Variants in EPHA3 observed in about 807,000 individuals in gnomAD.
The protein encoded by EPHA3 is EPH receptor A3.
A neutral mutation model predicts 107.1 loss-of-function variants in EPHA3; 42 were observed. The ratio of observed to expected loss-of-function variants is 0.39; its 90% CI spans 0.31 to 0.51. EPHA3 has a LOEUF of 0.51. EPHA3 is among the 20% of genes least tolerant of loss of function. EPHA3 has a pLI of 0.78. For missense variants in EPHA3, 1,183 were observed against 1,211.2 expected (o/e 0.98, Z 0.35); for synonymous variants, 461 against 424.8 (o/e 1.09, Z -1.05).
chr3:89,122,752 T>G (rs1707417706), intron 1 of EPHA3, among the ~76,000 whole-genome samples: 1 of 152,226 alleles, frequency 6.6e-6, no homozygotes. Flanking sequence ...AACTTGTACA[T>G]TTTTAATCCG....
chr3:89,292,100 T>A (rs1360373324), intron 3 of EPHA3, among the ~76,000 whole-genome samples: 3 of 152,144 alleles, frequency 2.0e-5, no homozygotes, highest in Non-Finnish European at 4.4e-5. Flanking sequence ...TCCAGAAATC[T>A]CTGTAGTAAA....
intron 13 of EPHA3, among the ~76,000 whole-genome samples, chr3:89,447,778 T>C (rs1405340488): frequency 1.3e-5 from 2 of 152,282 alleles, no homozygotes; most frequent in East Asian, 3.9e-4. Flanking sequence ...ATAAATACTC[T>C]GAACCAGGAC....
chr3:89,472,636 C>A lies in EPHA3; in HGVS notation c.2846+17C>A, dbSNP rs768907312. Reference sequence around the variant, plus strand: ...TTCCACAGAGTAAGAAAAAAAAATTCATTAAGAAGAATGAAGGATTCTTTT... The same window carrying A: ...TTCCACAGAGTAAGAAAAAAAAATTAATTAAGAAGAATGAAGGATTCTTTT... On this transcript the variant is annotated intron_variant, in intron 16 of 16. Transcript: ENST00000336596. 4 of 1,599,724 alleles carry A rather than the reference C, an allele frequency of 2.5e-6. No individual in the cohort carries two copies. The African/African-American group carries it at 5.4e-5, about 22-fold the overall frequency.
chr3:89,332,299 T>G (rs1451228614), intron 3 of EPHA3, among the ~76,000 whole-genome samples: 2 of 152,210 alleles, frequency 1.3e-5, no homozygotes, highest in South Asian at 4.1e-4. Flanking sequence ...ATTGGACATA[T>G]TTTAGTGTTA....
At chr3:89,254,829 C>T (rs973902988) in intron 3 of EPHA3, among the ~76,000 whole-genome samples, 1 of 152,198 alleles carries the variant, frequency 6.6e-6, no homozygotes, top group African/African-American at 2.4e-5. Context: ...CAGTGCCCAT[C>T]AGAACTGGCA....
At chr3:89,221,241 T>C (rs1576242137) in intron 3 of EPHA3, among the ~76,000 whole-genome samples, 1 of 152,200 alleles carries the variant, frequency 6.6e-6, no homozygotes, top group African/African-American at 2.4e-5. Flanking sequence ...CTTTTCATTG[T>C]GTCCTCTCTC....
At chr3:89,136,530 CTT>C (rs1437306113) in intron 2 of EPHA3, among the ~76,000 whole-genome samples, 2 of 151,252 alleles carry the variant, frequency 1.3e-5, no homozygotes, top group Non-Finnish European at 3.0e-5. Context: ...CACTATGTCT[CTT>C]TATGAATTGT....
At chr3:89,368,575 A>G (rs1708227523) in intron 5 of EPHA3, among the ~76,000 whole-genome samples, 1 of 150,504 alleles carries the variant, frequency 6.6e-6, no homozygotes, top group Non-Finnish European at 1.5e-5. Flanking sequence ...AGGGTCTGAT[A>G]TTGTAATTCT....
intron 15 of EPHA3, among the ~76,000 whole-genome samples, chr3:89,451,206 A>G (rs1265410414): frequency 6.6e-6 from 1 of 152,202 alleles, no homozygotes; most frequent in Non-Finnish European, 1.5e-5. Flanking sequence ...CACAAAGTCT[A>G]TTTAATTTTA....
intron 3 of EPHA3, among the ~76,000 whole-genome samples, chr3:89,307,404 T>C (rs1324075840): frequency 6.6e-6 from 1 of 152,118 alleles, no homozygotes; most frequent in Non-Finnish European, 1.5e-5. Flanking sequence ...TCTGAAGAAA[T>C]ACAAAGTTTA....
intron 11 of EPHA3, among the ~76,000 whole-genome samples, chr3:89,422,893 G>C (rs1415487663): frequency 6.6e-6 from 1 of 151,270 alleles, no homozygotes; most frequent in African/African-American, 2.4e-5. Flanking sequence ...GAGCCTGATG[G>C]TCTTAAACAG....
chr3:89,377,954 AC>A (rs1387858391), intron 5 of EPHA3, among the ~76,000 whole-genome samples: 1 of 152,174 alleles, frequency 6.6e-6, no homozygotes, highest in Non-Finnish European at 1.5e-5. Flanking sequence ...CTGGTAAACC[AC>A]ATGTACTACT....
intron 3 of EPHA3, among the ~76,000 whole-genome samples, chr3:89,325,887 T>A (rs1200826608): frequency 6.6e-6 from 1 of 151,446 alleles, no homozygotes; most frequent in Non-Finnish European, 1.5e-5. Context: ...ATTTTTGTGA[T>A]ATTTTCTTTA....
At chr3:89,231,988 T>A (rs1351597818) in intron 3 of EPHA3, among the ~76,000 whole-genome samples, 1 of 152,052 alleles carries the variant, frequency 6.6e-6, no homozygotes, top group Non-Finnish European at 1.5e-5. Context: ...TTCCTCCAAG[T>A]GCAGGGCAGG....
chr3:89,374,633 T>C (rs1708367943), intron 5 of EPHA3, among the ~76,000 whole-genome samples: 1 of 151,736 alleles, frequency 6.6e-6, no homozygotes, highest in South Asian at 2.1e-4. Context: ...GTCTCTGTTC[T>C]CTGTATTTCA....
intron 5 of EPHA3, among the ~76,000 whole-genome samples, chr3:89,378,787 C>T (rs1708448721): frequency 6.6e-6 from 1 of 152,126 alleles, no homozygotes; most frequent in Non-Finnish European, 1.5e-5. Context: ...TTTAGCTTTA[C>T]TTATGAAATC....
intron 3 of EPHA3, among the ~76,000 whole-genome samples, chr3:89,223,090 A>G (rs1274525687): frequency 6.6e-6 from 1 of 152,204 alleles, no homozygotes; most frequent in African/African-American, 2.4e-5. Context: ...ATAGTCAAGA[A>G]CAGAAGTAAT....
At position 89,466,782 on chromosome 3, in the gene EPHA3, A is replaced by AC. The variant is rs879624387; in HGVS notation, c.2691-5680dup. ...TACCTCAGATGGAAATGCAGAAATC[A>AC]CCGTCTTATGCGTCGCTCACGCTGG... On this transcript the variant is annotated intron_variant, in intron 15 of 16. Coordinates refer to ENST00000336596, the MANE Select transcript of EPHA3 (RefSeq NM_005233.6). Among the ~76,000 whole-genome samples, 24 of 137,386 alleles carry AC rather than the reference A, an allele frequency of 1.7e-4. 3 individuals carry two copies. The highest frequency in any genetic ancestry group is 3.5e-4 in the Non-Finnish European group (22 of 62,222). 90.1% of individuals were successfully genotyped at this position (137,386 alleles called of 152,430 possible).
At chr3:89,238,577 A>T (rs1415901767) in intron 3 of EPHA3, among the ~76,000 whole-genome samples, 1 of 152,164 alleles carries the variant, frequency 6.6e-6, no homozygotes. Context: ...CTCTTACTTT[A>T]GGAAAGTATT....
Sources: allele counts gnomAD v4.1 joint callset (sites outside exome capture counted in the v4.1 genomes callset), GRCh38; gene constraint gnomAD v4.1.1; transcripts MANE v1.5; gene names NCBI Gene and HGNC (gene_info 2026-07-23, HGNC 2026-07-21).